Variants in STAB2 observed in about 807,000 individuals in gnomAD.
The protein encoded by STAB2 is stabilin-2.
STAB2 carries 288 observed loss-of-function variants against 338.1 expected under a neutral mutation model. The ratio of observed to expected loss-of-function variants is 0.85; its 90% CI spans 0.77 to 0.94. The LOEUF (loss-of-function observed/expected upper bound fraction) is 0.94. STAB2 is among the 40% of genes least tolerant of loss of function. STAB2 has a pLI of 0.00. For synonymous variants in STAB2, 1,202 were observed against 1,193.3 expected (o/e 1.01, Z -0.15); for missense variants, 3,141 against 3,210.1 (o/e 0.98, Z 0.52).
At position 103,758,294 on chromosome 12, in the gene STAB2, G is replaced by A. The variant is rs1022980607; in HGVS notation, c.7107+5G>A. 1.2e-6 allele frequency: 2 copies of A among 1,612,974 alleles called. No individual in the cohort carries two copies. Among genetic ancestry groups the A allele is most frequent in the African/African-American group, 1.3e-5 (1 of 74,946 alleles). On this transcript the variant is annotated splice_donor_5th_base_variant and intron_variant, in intron 64 of 68. Coordinates refer to ENST00000388887, the MANE Select transcript of STAB2 (RefSeq NM_017564.10). ...AGTGGGCTGGGGGAGAATGAGGTGA[G>A]TTGAGTCCCTGGTGCCTTTGCTTTA...
At chr12:103,699,041 T>C in intron 33 of STAB2, 55 bp from the exon 34 acceptor site, 1 of 1,561,514 alleles carries the variant, frequency 6.4e-7, no homozygotes, top group Non-Finnish European at 8.7e-7. Context: ...TGGGAGAAGC[T>C]GGGTAACTGT....
At chr12:103,754,081 G>A (rs1032592952) in intron 61 of STAB2, among the ~76,000 whole-genome samples, 9 of 152,116 alleles carry the variant, frequency 5.9e-5, no homozygotes, top group Admixed American at 2.0e-4. Flanking sequence ...TGCCTAGTAC[G>A]TATGATTTTA....
At position 103,763,127 on chromosome 12, in the gene STAB2, A is replaced by G. The variant is rs377073866; in HGVS notation, c.7489-365A>G. On this transcript the variant is annotated intron_variant, in intron 67 of 68. Transcript: ENST00000388887. The stretch of plus-strand genomic sequence containing the variant: ...TTTTTAGCAAAAGTGTATAGGCTGT[A>G]TGACTGCATTTATATTAAGTTAAAG... Among the ~76,000 whole-genome samples the G allele has an allele frequency of 1.1e-3, 168 of 152,348 alleles. 3 individuals carry two copies. The South Asian group carries it at 0.034, about 31-fold the overall frequency.
At chr12:103,657,930 A>G (rs1874315381) in intron 15 of STAB2, 1 of 152,220 alleles carries the variant, frequency 6.6e-6, no homozygotes, top group Non-Finnish European at 1.5e-5. Context: ...CTTTAGAAGA[A>G]GGGCTTCTAA....
At chr12:103,748,905 T>C (rs1883324172) in intron 58 of STAB2, 58 bp from the exon 59 acceptor site, 1 of 1,561,046 alleles carries the variant, frequency 6.4e-7, no homozygotes, top group South Asian at 1.2e-5. Context: ...TACCCTGACC[T>C]GAAGCCCTAG....
intron 51 of STAB2, among the ~76,000 whole-genome samples, chr12:103,734,026 A>AGGAACAAGCGCGATCATATG (rs1881874482): frequency 3.3e-5 from 5 of 151,134 alleles, no homozygotes; most frequent in African/African-American, 9.7e-5. Flanking sequence ...ATGATCATAT[A>AGGAACAAGCGCGATCATATG]GGAACAAGCG....
rs1566051942 is a variant in STAB2 at position 103,727,265 on chromosome 12, AG to A, written c.4852del. On this transcript the variant is annotated splice_acceptor_variant, in intron 46 of 68. Coordinates refer to ENST00000388887, the MANE Select transcript of STAB2 (RefSeq NM_017564.10). LOFTEE classifies it high-confidence loss of function. ...GTGTGAGCCTCACCTTTCTTCCCAC[AG>A]GAGCATTTCGTGAAAGATCTGGTCG... 1.2e-6 allele frequency: 2 copies of A among 1,614,266 alleles called. No individual in the cohort carries two copies. Among genetic ancestry groups the A allele is most frequent in the Admixed American group, 3.3e-5 (2 of 60,028 alleles).
intron 18 of STAB2, among the ~76,000 whole-genome samples, chr12:103,665,860 C>T (rs945851874): frequency 2.0e-5 from 3 of 152,284 alleles, no homozygotes; most frequent in Non-Finnish European, 4.4e-5. Context: ...ATTCAGTGTT[C>T]GGCTATATTG....
intron 3 of STAB2, among the ~76,000 whole-genome samples, chr12:103,617,673 A>T (rs1957231565): frequency 6.6e-6 from 1 of 152,194 alleles, no homozygotes; most frequent in Admixed American, 6.5e-5. Context: ...ACCCAAACCA[A>T]TGTCTTGCTT....
In STAB2 at chr12:103,689,618, A is replaced by C. The variant is rs1034234734; in HGVS notation, c.3046-228A>C. Among the ~76,000 whole-genome samples, 3 of 152,300 alleles carry C rather than the reference A, an allele frequency of 2.0e-5. No homozygotes were observed. In the East Asian group the frequency reaches 5.8e-4, roughly 29 times the overall value. On this transcript the variant is annotated intron_variant, in intron 28 of 68. Coordinates refer to ENST00000388887, the MANE Select transcript of STAB2 (RefSeq NM_017564.10). ...AGGACTTATAATGACTGAAAGTGTG[A>C]TCTCATTATCAAAGGCAGATTTGCT... is the stretch of plus-strand genomic sequence containing the variant.
At chr12:103,657,771 T>G (rs1874303711) in intron 15 of STAB2, 1 of 152,242 alleles carries the variant, frequency 6.6e-6, no homozygotes, top group African/African-American at 2.4e-5. Context: ...CAATCATTTC[T>G]GCTTCTTTCT....
chr12:103,714,492 G>C (rs997450743), intron 42 of STAB2, among the ~76,000 whole-genome samples: 2 of 152,158 alleles, frequency 1.3e-5, no homozygotes, highest in African/African-American at 4.8e-5. Context: ...AAGGTCAGGA[G>C]TTCGAGACAA....
Position 103,670,837 on chromosome 12 carries a change from C to G in STAB2, c.2371+30C>G, listed in dbSNP as rs375574553. 1.7e-5 allele frequency: 27 copies of G among 1,580,130 alleles called. No individual in the cohort carries two copies. The African/African-American group carries it at 2.7e-4, about 16-fold the overall frequency. The stretch of plus-strand genomic sequence containing the variant: ...GTGGCACTTCCAGAGCTTCCTTCCA[C>G]TCCTAAGCAAGGTTCCCTCTCGTGC... On this transcript the variant is annotated intron_variant, in intron 22 of 68. Coordinates refer to ENST00000388887, the MANE Select transcript of STAB2 (RefSeq NM_017564.10).
In STAB2 at chr12:103,662,997, T is replaced by C. The variant is rs767541080; in HGVS notation, c.2021T>C (p.Leu674Pro). Residue 674 changes from leucine to proline, a missense_variant and splice_region_variant, in exon 18 of 69, where the codon CTG becomes CCG. Coordinates refer to ENST00000388887, the MANE Select transcript of STAB2 (RefSeq NM_017564.10). ...GATGAAACAAAGAGAGAGATGAAAC[T>C]GGTAAGAAAACTAGGAAAATAAGTA... Reference protein sequence around the residue: ...RCDETKREMKLGTCVSCSLVY... With the variant: ...RCDETKREMKPGTCVSCSLVY... The C allele has an allele frequency of 6.2e-7, 1 of 1,613,688 alleles. No individual in the cohort carries two copies. The highest frequency in any genetic ancestry group is 8.5e-7 in the Non-Finnish European group (1 of 1,179,890).
chr12:103,724,847 A>G (rs1261996601), intron 44 of STAB2, 128 bp from the exon 45 acceptor site: 27 of 1,500,410 alleles, frequency 1.8e-5, no homozygotes, highest in Non-Finnish European at 2.3e-5. Context: ...AAGGATAAAC[A>G]ATACAAATGA....
rs1023574796 is a variant in STAB2, at chr12:103,692,992, A to T, written c.3375+103A>T. On this transcript the variant is annotated intron_variant, in intron 31 of 68. Coordinates refer to ENST00000388887, the MANE Select transcript of STAB2 (RefSeq NM_017564.10). Reference sequence around the variant, plus strand: ...TTTAAATAGAAAAATACTTAGCCTTATATGGAAGTAACCGGTACTGTGCCT... The same window carrying T: ...TTTAAATAGAAAAATACTTAGCCTTTTATGGAAGTAACCGGTACTGTGCCT... The T allele has an allele frequency of 4.8e-6, 4 of 840,168 alleles. No individual in the cohort carries two copies. In the African/African-American group the frequency reaches 6.9e-5, roughly 15 times the overall value. The allele number at this position is 840,168 out of a possible 1,614,324, so 52.0% of individuals were successfully genotyped here.
chr12:103,675,151 G>T (rs115026189), intron 23 of STAB2, among the ~76,000 whole-genome samples: 1 of 152,076 alleles, frequency 6.6e-6, no homozygotes, highest in South Asian at 2.1e-4. Context: ...TTTTTGTAAG[G>T]CATGTATGAC....
chr12:103,639,675 G>T (rs1044453720), intron 8 of STAB2, among the ~76,000 whole-genome samples: 23 of 127,760 alleles, frequency 1.8e-4, no homozygotes, highest in African/African-American at 6.8e-4. Context: ...CTACACTCTA[G>T]CCTGGGCAAC....
chr12:103,620,644 C>T lies in STAB2; in HGVS notation c.417+91C>T, dbSNP rs535549848. The T allele has an allele frequency of 6.1e-4, 636 of 1,047,018 alleles. 13 individuals carry two copies. In the South Asian group the frequency reaches 9.1e-3, roughly 15 times the overall value. 64.9% of individuals were successfully genotyped at this position (1,047,018 alleles called of 1,614,324 possible). A position where few individuals can be genotyped will look rare whatever the true frequency, so the allele number is the denominator to read the frequency against. On this transcript the variant is annotated intron_variant, in intron 4 of 68. Coordinates refer to ENST00000388887, the MANE Select transcript of STAB2 (RefSeq NM_017564.10). ...CCTTAAACACACACACACACACACA[C>T]ACACACACACGTGCACACACACATA...
Sources: allele counts gnomAD v4.1 joint callset (sites outside exome capture counted in the v4.1 genomes callset), GRCh38; gene constraint gnomAD v4.1.1; transcripts MANE v1.5; gene names NCBI Gene and HGNC (gene_info 2026-07-23, HGNC 2026-07-21).